Variants in ZNF385D observed in about 807,000 individuals in gnomAD.
ZNF385D encodes zinc finger protein 659.
ZNF385D carries 15 observed loss-of-function variants against 35.8 expected under a neutral mutation model. The ratio of observed to expected loss-of-function variants is 0.42; its 90% confidence interval spans 0.28 to 0.64. The LOEUF is 0.64. ZNF385D is among the 30% of genes least tolerant of loss of function. The pLI is 0.23. For synonymous variants in ZNF385D, 212 were observed against 186.8 expected (o/e 1.13, Z -1.10); for missense variants, 474 against 494.6 (o/e 0.96, Z 0.39).
At chr3:21,890,472 A>G (rs1464256103) in intron 3 of ZNF385D, among the ~76,000 whole-genome samples, 2 of 152,110 alleles carry the variant, frequency 1.3e-5, no homozygotes, top group African/African-American at 4.8e-5. Flanking sequence ...TACAAAAATT[A>G]GCTGTGCATG....
At chr3:21,860,861 C>G (rs376514637) in intron 3 of ZNF385D, among the ~76,000 whole-genome samples, 1 of 152,080 alleles carries the variant, frequency 6.6e-6, no homozygotes, top group African/African-American at 2.4e-5. Flanking sequence ...TCCTGTCAAA[C>G]CAAATGAAAA....
At chr3:21,949,742 T>C (rs1701973201) in intron 3 of ZNF385D, among the ~76,000 whole-genome samples, 1 of 151,894 alleles carries the variant, frequency 6.6e-6, no homozygotes, top group Admixed American at 6.6e-5. Context: ...GTGTGTGATG[T>C]TCCCCTCCAC....
At chr3:22,102,184 G>A (rs1701974519) in intron 3 of ZNF385D, among the ~76,000 whole-genome samples, 1 of 151,930 alleles carries the variant, frequency 6.6e-6, no homozygotes, top group Admixed American at 6.6e-5. Flanking sequence ...TTTCATCCCT[G>A]TGTGATGGAG....
At chr3:22,137,518 T>A (rs916176712) in intron 3 of ZNF385D, among the ~76,000 whole-genome samples, 1 of 152,148 alleles carries the variant, frequency 6.6e-6, no homozygotes, top group Admixed American at 6.5e-5. Flanking sequence ...TGGTTCAACA[T>A]GTGAAAATCA....
chr3:22,090,359 C>G (rs911722183), intron 3 of ZNF385D, among the ~76,000 whole-genome samples: 2 of 152,064 alleles, frequency 1.3e-5, no homozygotes, highest in Non-Finnish European at 2.9e-5. Context: ...CAAACTATTG[C>G]CTGTGGTATA....
At chr3:21,864,387 T>C (rs1575800121) in intron 3 of ZNF385D, among the ~76,000 whole-genome samples, 1 of 152,118 alleles carries the variant, frequency 6.6e-6, no homozygotes, top group Admixed American at 6.5e-5. Flanking sequence ...CTACATACTC[T>C]ATGAATTGTG....
chr3:21,623,007 A>C (rs1021472827), intron 2 of ZNF385D, among the ~76,000 whole-genome samples: 6 of 152,136 alleles, frequency 3.9e-5, no homozygotes, highest in African/African-American at 1.4e-4. Flanking sequence ...TCTCAACTAG[A>C]AGAACAAGTA....
chr3:22,356,848 AAAAG>A (rs541525440), intron 2 of ZNF385D, among the ~76,000 whole-genome samples: 148 of 152,046 alleles, frequency 9.7e-4, no homozygotes, highest in African/African-American at 3.4e-3. Flanking sequence ...TGAAATATTT[AAAAG>A]AAAGAATAAG....
At chr3:21,856,593 T>C (rs1343382658) in intron 3 of ZNF385D, among the ~76,000 whole-genome samples, 3 of 152,056 alleles carry the variant, frequency 2.0e-5, no homozygotes, top group Non-Finnish European at 4.4e-5. Flanking sequence ...TCATATAAAC[T>C]AGTAGGAATT....
intron 2 of ZNF385D, among the ~76,000 whole-genome samples, chr3:22,347,295 T>C (rs960265109): frequency 6.6e-6 from 1 of 152,202 alleles, no homozygotes; most frequent in African/African-American, 2.4e-5. Context: ...GAAAATATTT[T>C]GTTGGTAGCA....
intron 4 of ZNF385D, among the ~76,000 whole-genome samples, chr3:21,444,535 C>T (rs9859442): frequency 0.3 from 45,995 of 151,266 alleles, 8,309 homozygotes; most frequent in African/African-American, 0.52. Flanking sequence ...CAGGCACACA[C>T]CACCACGCCC....
intron 2 of ZNF385D, among the ~76,000 whole-genome samples, chr3:21,633,557 A>G (rs971600148): frequency 6.6e-6 from 1 of 152,074 alleles, no homozygotes; most frequent in African/African-American, 2.4e-5. Context: ...ACAGCATTAC[A>G]AAGACTTCTG....
At chr3:21,554,283 C>T (rs2062660542) in intron 3 of ZNF385D, among the ~76,000 whole-genome samples, 2 of 152,166 alleles carry the variant, frequency 1.3e-5, no homozygotes, top group South Asian at 4.1e-4. Flanking sequence ...TCTTGAACAT[C>T]TCTATCAGAG....
At chr3:21,434,464 A>G (rs1329101329) in intron 5 of ZNF385D, among the ~76,000 whole-genome samples, 2 of 152,162 alleles carry the variant, frequency 1.3e-5, no homozygotes, top group East Asian at 3.8e-4. Context: ...GGATTTCCCC[A>G]TACCACACCC....
At chr3:21,707,537 A>T (rs1264427991) in intron 1 of ZNF385D, among the ~76,000 whole-genome samples, 2 of 152,202 alleles carry the variant, frequency 1.3e-5, no homozygotes, top group Non-Finnish European at 2.9e-5. Context: ...TTGAAAGGGA[A>T]CGAAAGACCT....
At chr3:22,105,893 T>C (rs1702185336) in intron 3 of ZNF385D, among the ~76,000 whole-genome samples, 1 of 151,984 alleles carries the variant, frequency 6.6e-6, no homozygotes, top group African/African-American at 2.4e-5. Flanking sequence ...CCAATTAATA[T>C]AGTAGTTATT....
intron 3 of ZNF385D, among the ~76,000 whole-genome samples, chr3:22,119,329 C>T (rs969315758): frequency 2.6e-5 from 4 of 152,052 alleles, no homozygotes; most frequent in Non-Finnish European, 5.9e-5. Flanking sequence ...ATGTCCGAGG[C>T]CAAATCTGTA....
At chr3:21,964,031 G>T (rs1347740834) in intron 3 of ZNF385D, among the ~76,000 whole-genome samples, 3 of 151,984 alleles carry the variant, frequency 2.0e-5, no homozygotes, top group Middle Eastern at 3.2e-3. Context: ...TTTAATTGCG[G>T]GCAAAGTATT....
chr3:21,952,191 A>G (rs1051311040), intron 3 of ZNF385D, among the ~76,000 whole-genome samples: 7 of 151,910 alleles, frequency 4.6e-5, no homozygotes, highest in Admixed American at 1.3e-4. Flanking sequence ...TGGCTTAAAA[A>G]TCCTGAATTG....
Sources: gnomAD v4.1 joint callset for allele counts (sites outside exome capture counted in the v4.1 genomes callset) on GRCh38, gnomAD v4.1.1 for gene constraint, MANE v1.5 for transcripts, NCBI Gene and HGNC (gene_info 2026-07-23, HGNC 2026-07-21) for gene names.